UNC13B: variants seen among roughly 807,000 people sequenced by gnomAD.
UNC13B encodes unc-13 homolog B.
In UNC13B, 144 loss-of-function variants were observed where a neutral mutation model predicts 211.0. The ratio of observed to expected loss-of-function variants is 0.68; its 90% CI spans 0.60 to 0.78. The LOEUF is 0.78. UNC13B is among the 30% of genes least tolerant of loss of function. The pLI, the probability that UNC13B is intolerant of heterozygous loss-of-function variation, is 0.00. For missense variants in UNC13B, 1,777 were observed against 2,002.0 expected, an observed-to-expected ratio of 0.89 and a Z score of 2.14; for synonymous variants, 709 against 725.8, an observed-to-expected ratio of 0.98 and a Z score of 0.37.
At chr9:35,183,259 G>GC in intron 1 of UNC13B, among the ~76,000 whole-genome samples, 1 of 139,530 alleles carries the variant, frequency 7.2e-6, no homozygotes. Flanking sequence ...CCGGGCAGAG[G>GC]AGCCCCTCAC....
At chr9:35,274,877 C>G (rs1828085304) in intron 7 of UNC13B, among the ~76,000 whole-genome samples, 1 of 152,138 alleles carries the variant, frequency 6.6e-6, no homozygotes, top group Non-Finnish European at 1.5e-5. Flanking sequence ...AGCTCCATAA[C>G]TTTCCCAATC....
intron 1 of UNC13B, among the ~76,000 whole-genome samples, chr9:35,195,090 G>T (rs1286737587): frequency 6.6e-6 from 1 of 151,726 alleles, no homozygotes; most frequent in Non-Finnish European, 1.5e-5. Context: ...TCTTTTTAAT[G>T]CAAATGGAAC....
At chr9:35,249,262 A>T (rs1826305291) in intron 6 of UNC13B, among the ~76,000 whole-genome samples, 1 of 152,008 alleles carries the variant, frequency 6.6e-6, no homozygotes, top group Non-Finnish European at 1.5e-5. Context: ...TGCACATGCG[A>T]CGGGCTTCCT....
chr9:35,220,053 A>G (rs544721142), intron 1 of UNC13B, among the ~76,000 whole-genome samples: 2 of 152,196 alleles, frequency 1.3e-5, no homozygotes, highest in East Asian at 3.9e-4. Context: ...TGAATAACTC[A>G]TCATTACTAG....
chr9:35,376,199 A>G lies in UNC13B; in HGVS notation c.9787A>G (p.Lys3263Glu). The G allele has an allele frequency of 6.2e-7, 1 of 1,614,146 alleles. No individual in the cohort carries two copies. Among genetic ancestry groups the G allele is most frequent in the South Asian group, 1.1e-5 (1 of 91,088 alleles). Residue 3263 changes from lysine (K) to glutamate (E), a missense_variant, in exon 15 of 40, where the codon AAG becomes GAG. Physicochemically the swap from Lys to Glu is moderately conservative, Grantham distance 56 (BLOSUM62 1). Transcript: ENST00000635942. ...CATGCGCTGCAGCGAATGTGGAGTCAAGTGCCATGAGAAGTGCCAGGATCT... is the reference window on the plus strand; with the variant it reads ...CATGCGCTGCAGCGAATGTGGAGTCGAGTGCCATGAGAAGTGCCAGGATCT... ...QGMRCSECGV[K>E]CHEKCQDLLN...
At chr9:35,256,919 C>T (rs987908136) in intron 6 of UNC13B, among the ~76,000 whole-genome samples, 1 of 152,076 alleles carries the variant, frequency 6.6e-6, no homozygotes, top group Non-Finnish European at 1.5e-5. Context: ...GCTGTCTTAA[C>T]ATTATTAATT....
chr9:35,370,460 C>A, intron 13 of UNC13B, 64 bp downstream of exon 13: 1 of 1,494,664 alleles, frequency 6.7e-7, no homozygotes, highest in Admixed American at 1.7e-5. Context: ...TGGGCCTTGG[C>A]AAGCTGTCAG....
chr9:35,375,894 T>A, intron 14 of UNC13B, 134 bp from the exon 15 acceptor site: 1 of 805,980 alleles, frequency 1.2e-6, no homozygotes. Context: ...GCAGGAGAAT[T>A]GCTTGAACCT....
chr9:35,352,793 CA>C, intron 11 of UNC13B: 1 of 1,232,208 alleles, frequency 8.1e-7, no homozygotes, highest in African/African-American at 1.5e-5. Flanking sequence ...GTCTACCCCC[CA>C]TCAGTTTGAG....
At chr9:35,206,597 G>A (rs1287076842) in intron 1 of UNC13B, among the ~76,000 whole-genome samples, 1 of 151,768 alleles carries the variant, frequency 6.6e-6, no homozygotes, top group East Asian at 1.9e-4. Flanking sequence ...TAGGCCGGGT[G>A]TGGCACAGTG....
chr9:35,380,606 C>G lies in UNC13B; in HGVS notation c.10342C>G (p.Leu3448Val), dbSNP rs1834760343. ...CCAAACCATCATTGAGGTTCGGACC[C>G]TAAGTGGCGAGATGGACGTCTGGTA... Reference protein sequence around the residue: ...LGQTIIEVRTLSGEMDVWYNL... With the variant: ...LGQTIIEVRTVSGEMDVWYNL... Residue 3448 changes from leucine to valine, a missense_variant, in exon 18 of 40, where the codon CTA becomes GTA. By Grantham distance (32) the Leu-to-Val change is conservative. Transcript: ENST00000635942. 6.2e-7 allele frequency: 1 copy of G among 1,614,104 alleles called. No individual in the cohort carries two copies. The highest frequency in any genetic ancestry group is 1.3e-5 in the African/African-American group (1 of 74,922).
intron 7 of UNC13B, among the ~76,000 whole-genome samples, chr9:35,273,397 A>T (rs913505143): frequency 3.9e-5 from 6 of 152,114 alleles, no homozygotes; most frequent in African/African-American, 1.4e-4. Context: ...TTGCGTTGAT[A>T]TTTGTTGATT....
At chr9:35,390,052 C>G in intron 25 of UNC13B, 79 bp downstream of exon 25, 1 of 1,585,938 alleles carries the variant, frequency 6.3e-7, no homozygotes, top group Non-Finnish European at 8.6e-7. Context: ...TTTCCTGTCT[C>G]TGTATGTTTG....
intron 6 of UNC13B, among the ~76,000 whole-genome samples, chr9:35,250,734 C>T (rs534973311): frequency 1.3e-5 from 2 of 152,210 alleles, no homozygotes; most frequent in African/African-American, 4.8e-5. Context: ...AGACTGCCAG[C>T]CTATTTTCCA....
chr9:35,385,000 A>C, intron 22 of UNC13B: 1 of 974,624 alleles, frequency 1.0e-6, no homozygotes, highest in Non-Finnish European at 1.2e-6. Flanking sequence ...AATTGTCTGC[A>C]CTCAAGTGCC....
At chr9:35,381,824 A>G in intron 20 of UNC13B, 105 bp downstream of exon 20, 1 of 1,392,846 alleles carries the variant, frequency 7.2e-7, no homozygotes, top group South Asian at 1.3e-5. Flanking sequence ...GCATGCAGTG[A>G]TTCCTTTACT....
chr9:35,185,712 G>C (rs1389897967), intron 1 of UNC13B, among the ~76,000 whole-genome samples: 1 of 151,412 alleles, frequency 6.6e-6, no homozygotes, highest in Non-Finnish European at 1.5e-5. Context: ...TTGAGGCCAG[G>C]AGTTCGAGAC....
intron 9 of UNC13B, among the ~76,000 whole-genome samples, chr9:35,308,623 A>G (rs977493557): frequency 2.0e-5 from 3 of 152,158 alleles, no homozygotes; most frequent in African/African-American, 7.2e-5. Context: ...AATGTAATTC[A>G]TTTACTGGAA....
intron 7 of UNC13B, among the ~76,000 whole-genome samples, chr9:35,259,603 T>C (rs903938354): frequency 9.2e-5 from 14 of 152,134 alleles, no homozygotes; most frequent in Non-Finnish European, 1.5e-5. Context: ...GATTGACTTA[T>C]TTCTCCTGAG....
Sources: gnomAD v4.1 joint callset for allele counts (sites outside exome capture counted in the v4.1 genomes callset) on GRCh38, gnomAD v4.1.1 for gene constraint, MANE v1.5 for transcripts, NCBI Gene and HGNC (gene_info 2026-07-23, HGNC 2026-07-21) for gene names.